The following INPPL1 variants were observed in gnomAD, a reference collection of about 807,000 sequenced individuals.
INPPL1 encodes inositol polyphosphate phosphatase like 1, also known as phosphatidylinositol 3,4,5-trisphosphate 5-phosphatase 2.
Under a neutral mutation model 139.3 loss-of-function variants are expected in INPPL1, and 91 were observed. The ratio of observed to expected loss-of-function variants is 0.65; its 90% CI spans 0.55 to 0.78. The LOEUF (loss-of-function observed/expected upper bound fraction) is 0.78. Among genes scored for constraint, INPPL1 ranks in the 30% least tolerant of loss-of-function variants. The pLI is 0.00. For synonymous variants in INPPL1, 719 were observed against 686.6 expected (o/e 1.05, Z -0.74); for missense variants, 1,411 against 1,665.6 (o/e 0.85, Z 2.66).
chr11:72,237,421 G>A lies in INPPL1; in HGVS notation c.3177G>A (p.Pro1059=), dbSNP rs570464917. 1.3e-5 allele frequency: 21 copies of A among 1,611,270 alleles called. No individual in the cohort carries two copies. In the East Asian group the frequency reaches 1.3e-4, roughly 10 times the overall value. The part of the protein sequence containing the change: ...PPPDFPPPPL[P]DSAIFLPPSL... ...CAGACTTTCCACCTCCACCACTGCC[G>A]GACTCAGCCATCTTCCTGCCCCCCA... Residue 1059 remains proline, a synonymous_variant, in exon 26 of 28, where the codon CCG becomes CCA. Transcript: ENST00000298229.
Position 72,235,843 on chromosome 11 carries a change from C to T in INPPL1, c.2739-3C>T. ...TCATCTCTCTCCTGTGCATCCCTGG[C>T]AGGTCAGGGAGCCGCAAGCCAGCCT... On this transcript the variant is annotated splice_polypyrimidine_tract_variant and splice_region_variant and intron_variant, in intron 24 of 27. Transcript: ENST00000298229. The surrounding 1 kb of genome is among the most constrained non-coding windows in gnomAD (Gnocchi z 4.9). The T allele has an allele frequency of 1.2e-6, 2 of 1,612,046 alleles. No individual in the cohort carries two copies. Among genetic ancestry groups the T allele is most frequent in the Non-Finnish European group, 8.5e-7 (1 of 1,179,052 alleles).
Position 72,228,452 on chromosome 11 carries a change from A to G in INPPL1, c.351A>G (p.Val117=), listed in dbSNP as rs1948736802. 2 of 1,611,614 alleles carry G rather than the reference A, an allele frequency of 1.2e-6. No individual in the cohort carries two copies. The highest frequency in any genetic ancestry group is 1.7e-6 in the Non-Finnish European group (2 of 1,179,984). The part of the protein sequence containing the change: ...QGLVCALLLP[V]EGEREPDPPD... ...TTGTGTGCGCCCTGCTTCTTCCTGT[A>G]GAGGGTGAGCGAGAGCCGGACCCAC... Residue 117 remains valine (V), a synonymous_variant, in exon 3 of 28, where the codon GTA becomes GTG. Coordinates refer to ENST00000298229, the MANE Select transcript of INPPL1 (RefSeq NM_001567.4). The surrounding 1 kb of genome is among the most constrained non-coding windows in gnomAD (Gnocchi z 5.0).
chr11:72,238,259 A>C lies in INPPL1; in HGVS notation c.3687-4A>C, dbSNP rs1949057668. ...CTCACTTCCCAGCCTGTTTTACTCCACAGTGACATCACCGAGGAGGACTTG... is the reference window on the plus strand; with the variant it reads ...CTCACTTCCCAGCCTGTTTTACTCCCCAGTGACATCACCGAGGAGGACTTG... On this transcript the variant is annotated splice_region_variant and splice_polypyrimidine_tract_variant and intron_variant, in intron 27 of 27. Coordinates refer to ENST00000298229, the MANE Select transcript of INPPL1 (RefSeq NM_001567.4). 1 of 1,613,304 alleles carries C rather than the reference A, an allele frequency of 6.2e-7. No individual in the cohort carries two copies. Among genetic ancestry groups the C allele is most frequent in the African/African-American group, 1.3e-5 (1 of 74,992 alleles).
Position 72,235,894 on chromosome 11 carries a change from C to T in INPPL1, c.2787C>T (p.Ser929=). Residue 929 remains serine, a synonymous_variant, in exon 25 of 28, where the codon TCC becomes TCT. Transcript: ENST00000298229. This position sits in a 1 kb window ranked among gnomAD's most constrained non-coding sequence, Gnocchi z 4.9. ...TCACAGAGGCCTCCTGCCCGCTCTC[C>T]AGGTTATTTGAAGAACCAGAGAAAC... The part of the protein sequence containing the change: ...PAFTEASCPL[S]RLFEEPEKPP... 1.9e-6 allele frequency: 3 copies of T among 1,613,320 alleles called. No individual in the cohort carries two copies. The South Asian group carries it at 3.3e-5, about 18-fold the overall frequency.
At position 72,234,622 on chromosome 11, in the gene INPPL1, C is replaced by T. The variant is rs776975296; in HGVS notation, c.2415+7C>T. 1.2e-6 allele frequency: 2 copies of T among 1,607,956 alleles called. No individual in the cohort carries two copies. The highest frequency in any genetic ancestry group is 1.7e-6 in the Non-Finnish European group (2 of 1,174,868). On this transcript the variant is annotated splice_region_variant and intron_variant, in intron 21 of 27. Coordinates refer to ENST00000298229, the MANE Select transcript of INPPL1 (RefSeq NM_001567.4). This position sits in a 1 kb window ranked among gnomAD's most constrained non-coding sequence, Gnocchi z 4.2. ...TTCACGCCAGCTGCCCACGGTGAGG[C>T]TGTGGGCAGGGCCCCTGCTTATGGG...
At chr11:72,225,287 C>A in intron 1 of INPPL1, 121 bp downstream of exon 1, 1 of 1,221,148 alleles carries the variant, frequency 8.2e-7, no homozygotes, top group Non-Finnish European at 1.0e-6. Flanking sequence ...GCCTCCACCC[C>A]CCAGAGTGGG....
At position 72,228,216 on chromosome 11, in the gene INPPL1, G is replaced by C. The variant is rs1211223270; in HGVS notation, c.209G>C (p.Arg70Pro). ...VLYQKHVHTY[R>P]ILPDGEDFLA... ...TATCAGAAGCATGTGCACACGTATC[G>C]CATTCTGCCTGATGGAGAAGATTTC... The change falls in exon 2 of 28, where the codon CGC becomes CCC. Residue 70 changes from arginine (R) to proline (P), a missense_variant. Arg to Pro is a moderately radical substitution (Grantham distance 103). Coordinates refer to ENST00000298229, the MANE Select transcript of INPPL1 (RefSeq NM_001567.4). The surrounding 1 kb of genome is among the most constrained non-coding windows in gnomAD (Gnocchi z 5.0). The C allele has an allele frequency of 6.2e-7, 1 of 1,613,980 alleles. No homozygotes were observed. The highest frequency in any genetic ancestry group is 8.5e-7 in the Non-Finnish European group (1 of 1,180,000).
intron 1 of INPPL1, chr11:72,227,986 CTGG>C: frequency 6.5e-6 from 3 of 458,224 alleles, no homozygotes; most frequent in South Asian, 3.7e-5. Context: ...CGGGGGTGTT[CTGG>C]TCATTCCTGC....
At position 72,230,289 on chromosome 11, in the gene INPPL1, C is replaced by T; in HGVS notation, c.1090+18C>T. 7.5e-6 allele frequency: 12 copies of T among 1,610,000 alleles called. No homozygotes were observed. The highest frequency in any genetic ancestry group is 1.0e-5 in the Non-Finnish European group (12 of 1,177,516). ...CGACCGCAGTGAGCCAGGGCCAGAC[C>T]TGGGAGGGGTGGGCAGGGCGGAGCC... On this transcript the variant is annotated intron_variant, in intron 9 of 27. Coordinates refer to ENST00000298229, the MANE Select transcript of INPPL1 (RefSeq NM_001567.4).
rs879836132 is a variant in INPPL1, at chr11:72,224,833, G to A, written c.-152G>A. 2 of 348,516 alleles carry A rather than the reference G, an allele frequency of 5.7e-6. No individual in the cohort carries two copies. The highest frequency in any genetic ancestry group is 4.4e-5 in the African/African-American group (2 of 44,952). 21.6% of individuals were successfully genotyped at this position (348,516 alleles called of 1,614,324 possible). On this transcript the variant is annotated 5_prime_UTR_variant, in exon 1 of 28. Coordinates refer to ENST00000298229, the MANE Select transcript of INPPL1 (RefSeq NM_001567.4). ...CTGCGCGGTGAACGAGGCGGCCTGCGCGGCGGAGTGCTGAGTCCCGATCCC... is the reference window on the plus strand; with the variant it reads ...CTGCGCGGTGAACGAGGCGGCCTGCACGGCGGAGTGCTGAGTCCCGATCCC...
In INPPL1 at chr11:72,225,095, G is replaced by A; in HGVS notation, c.111G>A (p.Arg37=). Residue 37 remains arginine, a synonymous_variant, in exon 1 of 28, where the codon CGG becomes CGA. Coordinates refer to ENST00000298229, the MANE Select transcript of INPPL1 (RefSeq NM_001567.4). ...CGGCCGCGGAGGAGCTGCTGGCCCG[G>A]GCGGGCCGCGATGGCAGCTTCCTGG... is the stretch of plus-strand genomic sequence containing the variant. ...SRAAAEELLA[R]AGRDGSFLVR... 5 of 1,231,618 alleles carry A rather than the reference G, an allele frequency of 4.1e-6. No individual in the cohort carries two copies. The highest frequency in any genetic ancestry group is 5.1e-6 in the Non-Finnish European group (5 of 987,718). 76.3% of individuals were successfully genotyped at this position (1,231,618 alleles called of 1,614,324 possible).
chr11:72,237,710 C>T lies in INPPL1; in HGVS notation c.3466C>T (p.Arg1156Trp), dbSNP rs201213980. 7.3e-5 allele frequency: 118 copies of T among 1,611,300 alleles called. 2 individuals carry two copies. The South Asian group carries it at 7.9e-4, about 11-fold the overall frequency. Residue 1156 changes from arginine (R) to tryptophan (W), a missense_variant, in exon 26 of 28, where the codon CGG becomes TGG. Around this residue, in one of 5 missense-constraint regions of INPPL1, gnomAD observed 438 missense variants for 425.7 expected, o/e 1.03. Transcript: ENST00000298229. ...LPGPLELQPP[R>W]GLPSDYGRPL... Reference sequence around the variant, plus strand: ...AGGCCCCCTGGAGCTGCAGCCCCCCCGGGGACTGCCCTCGGACTATGGCCG... The same window carrying T: ...AGGCCCCCTGGAGCTGCAGCCCCCCTGGGGACTGCCCTCGGACTATGGCCG...
chr11:72,228,333 C>T lies in INPPL1; in HGVS notation c.247-15C>T, dbSNP rs780526227. 1.2e-6 allele frequency: 2 copies of T among 1,613,930 alleles called. No individual in the cohort carries two copies. The highest frequency in any genetic ancestry group is 8.5e-7 in the Non-Finnish European group (1 of 1,179,946). On this transcript the variant is annotated splice_polypyrimidine_tract_variant and intron_variant, in intron 2 of 27. Transcript: ENST00000298229. The surrounding 1 kb of genome is among the most constrained non-coding windows in gnomAD (Gnocchi z 5.0). ...CTGCTGGCTGACCCTTCCTCCCACC[C>T]TTGCTGGCCCACAGACCTCGCAGGG...
chr11:72,224,951 G>T lies in INPPL1; in HGVS notation c.-34G>T. 1 of 1,067,814 alleles carries T rather than the reference G, an allele frequency of 9.4e-7. No homozygotes were observed. Among genetic ancestry groups the T allele is most frequent in the Non-Finnish European group, 1.1e-6 (1 of 884,376 alleles). 66.1% of individuals were successfully genotyped at this position (1,067,814 alleles called of 1,614,324 possible). On this transcript the variant is annotated 5_prime_UTR_variant, in exon 1 of 28. Coordinates refer to ENST00000298229, the MANE Select transcript of INPPL1 (RefSeq NM_001567.4). ...GTCTCGGGGCGGATGGCGCGGGGCG[G>T]CGGGGGCGGGCGGTGCTGAGCCCTG...
chr11:72,228,402 C>A lies in INPPL1; in HGVS notation c.301C>A (p.Leu101Met). ...CCAGACCCTGGGTGAGCTCATCGGC[C>A]TGTACGCCCAGCCCAACCAGGGCCT... ...RFQTLGELIG[L>M]YAQPNQGLVC... Residue 101 changes from leucine (L) to methionine (M), a missense_variant, in exon 3 of 28, where the codon CTG (leucine) becomes ATG (methionine). Physicochemically the swap from Leu to Met is conservative, Grantham distance 15 (BLOSUM62 2). Coordinates refer to ENST00000298229, the MANE Select transcript of INPPL1 (RefSeq NM_001567.4). The surrounding 1 kb of genome is among the most constrained non-coding windows in gnomAD (Gnocchi z 5.0). 1 of 1,613,244 alleles carries A rather than the reference C, an allele frequency of 6.2e-7. No homozygotes were observed. The highest frequency in any genetic ancestry group is 1.1e-5 in the South Asian group (1 of 91,084).
chr11:72,230,052 G>A (rs1948787486), intron 8 of INPPL1, 33 bp downstream of exon 8: 1 of 1,614,086 alleles, frequency 6.2e-7, no homozygotes, highest in African/African-American at 1.3e-5. Flanking sequence ...AGGGCCAAGG[G>A]TGGTTGGAGG....
chr11:72,238,234 C>T (rs747244266), intron 27 of INPPL1, 29 bp from the exon 28 acceptor site: 2 of 1,613,684 alleles, frequency 1.2e-6, no homozygotes, highest in Non-Finnish European at 8.5e-7. Context: ...CCTTGCCCAT[C>T]TCACTTCCCA....
chr11:72,230,523 T>A, intron 10 of INPPL1, 55 bp downstream of exon 10: 1 of 1,496,598 alleles, frequency 6.7e-7, no homozygotes, highest in Non-Finnish European at 9.3e-7. Context: ...CCCACATGGG[T>A]GCTTCCCATT....
chr11:72,235,231 C>G lies in INPPL1; in HGVS notation c.2503+28C>G, dbSNP rs766180847. On this transcript the variant is annotated intron_variant, in intron 22 of 27. Coordinates refer to ENST00000298229, the MANE Select transcript of INPPL1 (RefSeq NM_001567.4). The surrounding 1 kb of genome is among the most constrained non-coding windows in gnomAD (Gnocchi z 4.9). ...GAGGGGTGAGGGGTGCTGAGGGGAACAGGAAGCCAGACAGGGCCCTAGATT... is the reference window on the plus strand; with the variant it reads ...GAGGGGTGAGGGGTGCTGAGGGGAAGAGGAAGCCAGACAGGGCCCTAGATT... The G allele has an allele frequency of 5.0e-6, 8 of 1,613,808 alleles. No individual in the cohort carries two copies. The highest frequency in any genetic ancestry group is 1.7e-4 in the Middle Eastern group (1 of 6,056).
Sources: gnomAD v4.1 joint callset for allele counts on GRCh38, gnomAD v4.1.1 for gene constraint, gnomAD v4.1.1 regional missense constraint, Gnocchi (gnomAD v3.1) non-coding constraint, MANE v1.5 for transcripts, NCBI Gene and HGNC (gene_info 2026-07-23, HGNC 2026-07-21) for gene names.